CAAP1: variants seen among roughly 807,000 people sequenced by gnomAD.
The protein encoded by CAAP1 is conserved anti-apoptotic protein.
In CAAP1, 20 loss-of-function variants were observed where a neutral mutation model predicts 34.0. That is an observed-to-expected ratio of 0.59 (90% confidence interval 0.41 to 0.86). The LOEUF is 0.86. Ranked by LOEUF, CAAP1 falls within the 40% of genes least tolerant of loss-of-function variation. The pLI is 0.00. For missense variants in CAAP1, 538 were observed against 450.5 expected (o/e 1.19, Z -1.76); for synonymous variants, 213 against 166.7 (o/e 1.28, Z -2.14).
chr9:26,877,388 A>G (rs1231546136), intron 4 of CAAP1, among the ~76,000 whole-genome samples: 2 of 152,214 alleles, frequency 1.3e-5, no homozygotes, highest in Non-Finnish European at 2.9e-5. Context: ...AGTGTACTCT[A>G]TGACGTTTGC....
intron 5 of CAAP1, among the ~76,000 whole-genome samples, chr9:26,860,806 A>ATAAAT (rs1006591782): frequency 1.3e-5 from 2 of 152,158 alleles, no homozygotes; most frequent in Admixed American, 6.5e-5. Flanking sequence ...AAATAAATAA[A>ATAAAT]TAAATTTAAT....
intron 5 of CAAP1, among the ~76,000 whole-genome samples, chr9:26,843,595 T>G (rs948298157): frequency 3.3e-4 from 47 of 141,766 alleles, no homozygotes; most frequent in Non-Finnish European, 5.7e-4. Flanking sequence ...CATGAATATG[T>G]TTTTTTTTTT....
chr9:26,874,552 G>C (rs997479548), intron 4 of CAAP1, among the ~76,000 whole-genome samples: 43 of 152,038 alleles, frequency 2.8e-4, no homozygotes, highest in African/African-American at 8.9e-4. Flanking sequence ...CCAACCTCTG[G>C]TAACCACCTT....
chr9:26,872,370 A>G (rs1216817810), intron 4 of CAAP1, among the ~76,000 whole-genome samples: 1 of 152,168 alleles, frequency 6.6e-6, no homozygotes, highest in Non-Finnish European at 1.5e-5. Flanking sequence ...AAAATCTAGT[A>G]TAACTAGTAA....
At chr9:26,852,902 C>A (rs1339723743) in intron 5 of CAAP1, among the ~76,000 whole-genome samples, 3 of 152,014 alleles carry the variant, frequency 2.0e-5, no homozygotes, top group Non-Finnish European at 4.4e-5. Context: ...GAGGAGGAAG[C>A]GGGCAGGCAG....
chr9:26,866,432 G>A (rs1044997175), intron 4 of CAAP1, among the ~76,000 whole-genome samples: 2 of 152,180 alleles, frequency 1.3e-5, no homozygotes, highest in African/African-American at 4.8e-5. Flanking sequence ...GTTTACTGTG[G>A]TTGCCTATAG....
At chr9:26,850,130 C>T (rs1156399840) in intron 5 of CAAP1, among the ~76,000 whole-genome samples, 3 of 152,140 alleles carry the variant, frequency 2.0e-5, no homozygotes, top group Non-Finnish European at 4.4e-5. Flanking sequence ...GCCACCACGC[C>T]CGGCTAGTAA....
At position 26,842,251 on chromosome 9, in the gene CAAP1, T is replaced by C. The variant is rs760563663; in HGVS notation, c.*50A>G. 7.2e-7 allele frequency: 1 copy of C among 1,383,390 alleles called. No individual in the cohort carries two copies. The highest frequency in any genetic ancestry group is 9.8e-7 in the Non-Finnish European group (1 of 1,020,180). The allele number at this position is 1,383,390 out of a possible 1,614,324, so 85.7% of individuals were successfully genotyped here. ...AATAAATTTTAGATACAAAATTAAA[T>C]GATGTGGCTTTGTTCAAACATACCT... On this transcript the variant is annotated 3_prime_UTR_variant, in exon 6 of 6. Coordinates refer to ENST00000333916, the MANE Select transcript of CAAP1 (RefSeq NM_024828.4).
At chr9:26,882,678 C>T (rs1255380797) in intron 4 of CAAP1, among the ~76,000 whole-genome samples, 2 of 152,160 alleles carry the variant, frequency 1.3e-5, no homozygotes, top group Non-Finnish European at 2.9e-5. Context: ...GTCCCCCAGA[C>T]CCCAGAAGGG....
intron 5 of CAAP1, among the ~76,000 whole-genome samples, chr9:26,859,673 A>G (rs1822960586): frequency 6.6e-6 from 1 of 152,216 alleles, no homozygotes. Context: ...ATATGTGTTT[A>G]GCATGTATTT....
chr9:26,883,365 T>G (rs191824821), intron 4 of CAAP1, among the ~76,000 whole-genome samples: 3 of 152,202 alleles, frequency 2.0e-5, no homozygotes, highest in African/African-American at 7.2e-5. Context: ...GCTGCCGCCA[T>G]GTATGAAGCA....
At chr9:26,861,027 A>G (rs781408425) in intron 5 of CAAP1, 39 bp downstream of exon 5, 2 of 1,372,050 alleles carry the variant, frequency 1.5e-6, no homozygotes, top group South Asian at 2.4e-5. Flanking sequence ...TCTATTCTTC[A>G]GGTAAATTTT....
At chr9:26,889,455 G>A (rs1823843520) in intron 1 of CAAP1, among the ~76,000 whole-genome samples, 1 of 152,022 alleles carries the variant, frequency 6.6e-6, no homozygotes, top group South Asian at 2.1e-4. Context: ...TGACTGTAGT[G>A]ACGGTTGTAC....
At chr9:26,871,471 G>A (rs768731073) in intron 4 of CAAP1, among the ~76,000 whole-genome samples, 49 of 151,786 alleles carry the variant, frequency 3.2e-4, no homozygotes, top group Non-Finnish European at 6.0e-4. Context: ...CAGCTACTCA[G>A]GAGGCTGAGG....
At chr9:26,880,101 G>T (rs555800609) in intron 4 of CAAP1, 6,703 of 176,330 alleles carry the variant, frequency 0.038, 206 homozygotes, top group Middle Eastern at 0.065. Context: ...ATCCGGGGGG[G>T]GGGGGTCTCT....
intron 4 of CAAP1, among the ~76,000 whole-genome samples, chr9:26,868,220 A>G (rs559303808): frequency 2.6e-5 from 4 of 151,564 alleles, no homozygotes; most frequent in African/African-American, 9.7e-5. Context: ...ACGGCAAAAA[A>G]CTTTGTGATT....
At chr9:26,864,520 A>G (rs1223918386) in intron 4 of CAAP1, among the ~76,000 whole-genome samples, 2 of 152,188 alleles carry the variant, frequency 1.3e-5, no homozygotes, top group African/African-American at 2.4e-5. Flanking sequence ...CTCAAATAAT[A>G]TAAATCAAAC....
chr9:26,890,734 A>T (rs1444655265), intron 1 of CAAP1, among the ~76,000 whole-genome samples: 1 of 152,176 alleles, frequency 6.6e-6, no homozygotes, highest in Non-Finnish European at 1.5e-5. Flanking sequence ...TCACGAGGTC[A>T]GGAGATCAAG....
chr9:26,876,513 T>G (rs891994279), intron 4 of CAAP1, among the ~76,000 whole-genome samples: 3 of 150,146 alleles, frequency 2.0e-5, no homozygotes, highest in East Asian at 3.9e-4. Context: ...AAACTTTCTA[T>G]ATAAATGGTC....
Sources: allele counts gnomAD v4.1 joint callset (sites outside exome capture counted in the v4.1 genomes callset), GRCh38; gene constraint gnomAD v4.1.1; transcripts MANE v1.5; gene names NCBI Gene and HGNC (gene_info 2026-07-23, HGNC 2026-07-21).